Variants in MSRA observed in about 807,000 individuals in gnomAD.
MSRA encodes the protein mitochondrial peptide methionine sulfoxide reductase.
MSRA carries 54 observed loss-of-function variants against 31.3 expected under a neutral mutation model. The ratio of observed to expected loss-of-function variants is 1.73; its 90% confidence interval spans 1.39 to 2.17. The LOEUF is 2.17. MSRA is among the 30% of genes most tolerant of loss of function. MSRA has a pLI of 0.00. For missense variants in MSRA, 507 were observed against 300.9 expected (o/e 1.69, Z -5.07); for synonymous variants, 169 against 116.5 (o/e 1.45, Z -2.90).
At chr8:10,120,403 G>C (rs988325498) in intron 1 of MSRA, among the ~76,000 whole-genome samples, 1 of 152,120 alleles carries the variant, frequency 6.6e-6, no homozygotes, top group African/African-American at 2.4e-5. Flanking sequence ...ATCCGTGTCT[G>C]GTTTCTGACA....
chr8:10,138,059 A>T (rs1275783346), intron 1 of MSRA, among the ~76,000 whole-genome samples: 1 of 152,220 alleles, frequency 6.6e-6, no homozygotes, highest in Non-Finnish European at 1.5e-5. Context: ...TCACTGGGTC[A>T]CAGGCGTATA....
chr8:10,064,183 C>G (rs1293993040), intron 1 of MSRA, among the ~76,000 whole-genome samples: 1 of 152,164 alleles, frequency 6.6e-6, no homozygotes, highest in Non-Finnish European at 1.5e-5. Context: ...CAGCTGCTTT[C>G]TCCTGGATAT....
intron 5 of MSRA, among the ~76,000 whole-genome samples, chr8:10,404,243 C>G (rs886868217): frequency 6.6e-6 from 1 of 152,136 alleles, no homozygotes; most frequent in Admixed American, 6.5e-5. Flanking sequence ...AATAGCAAGG[C>G]AGGGACCTTC....
chr8:10,155,883 T>C (rs1245670753), intron 1 of MSRA, among the ~76,000 whole-genome samples: 1 of 152,202 alleles, frequency 6.6e-6, no homozygotes, highest in African/African-American at 2.4e-5. Context: ...CCTCATGTTA[T>C]AACCTTAATG....
chr8:10,233,685 C>G (rs564037255), intron 2 of MSRA, among the ~76,000 whole-genome samples: 251 of 152,192 alleles, frequency 1.6e-3, no homozygotes, highest in African/African-American at 5.9e-3. Context: ...TTAAATGACA[C>G]AGAGGATAAG....
At chr8:10,207,309 G>C (rs1254961547) in intron 1 of MSRA, among the ~76,000 whole-genome samples, 1 of 152,180 alleles carries the variant, frequency 6.6e-6, no homozygotes, top group Admixed American at 6.5e-5. Context: ...TGGTGTCTTT[G>C]GCCTGGGTGA....
intron 1 of MSRA, among the ~76,000 whole-genome samples, chr8:10,062,983 C>T (rs1797284522): frequency 6.6e-6 from 1 of 152,146 alleles, no homozygotes; most frequent in African/African-American, 2.4e-5. Flanking sequence ...TTGCTTTCTT[C>T]TCTCACGCTT....
At chr8:10,400,911 C>T (rs570513060) in intron 5 of MSRA, among the ~76,000 whole-genome samples, 8 of 152,130 alleles carry the variant, frequency 5.3e-5, no homozygotes, top group African/African-American at 9.7e-5. Context: ...AGAGCTAAAA[C>T]GATAAATCCG....
chr8:10,192,356 G>C (rs1285300663), intron 1 of MSRA, among the ~76,000 whole-genome samples: 1 of 152,196 alleles, frequency 6.6e-6, no homozygotes, highest in African/African-American at 2.4e-5. Flanking sequence ...TTTCCAACCA[G>C]TGAGCGGTAG....
rs868588506 is a variant in MSRA at position 10,343,007 on chromosome 8, C to T, written c.543+23018C>T. The stretch of plus-strand genomic sequence containing the variant: ...ATAACGTGTGGAAAGGAACTGGCAT[C>T]TTGCATAAGCATTACACACACACAC... On this transcript the variant is annotated intron_variant, in intron 5 of 5. Transcript: ENST00000317173. Among the ~76,000 whole-genome samples the T allele has an allele frequency of 4.7e-5, 7 of 147,674 alleles. No homozygotes were observed. The South Asian group carries it at 1.5e-3, about 32-fold the overall frequency.
intron 2 of MSRA, among the ~76,000 whole-genome samples, chr8:10,229,331 G>T (rs1467847432): frequency 6.6e-6 from 1 of 152,244 alleles, no homozygotes; most frequent in Non-Finnish European, 1.5e-5. Flanking sequence ...GATCATCTGA[G>T]TTGGGTGATA....
At chr8:10,222,552 C>T (rs760937651) in intron 2 of MSRA, among the ~76,000 whole-genome samples, 10 of 152,274 alleles carry the variant, frequency 6.6e-5, no homozygotes, top group African/African-American at 7.2e-5. Context: ...CATACTCTCA[C>T]GTTCATTGAG....
At chr8:10,241,089 G>C (rs772658354) in intron 2 of MSRA, among the ~76,000 whole-genome samples, 27 of 152,178 alleles carry the variant, frequency 1.8e-4, no homozygotes, top group Non-Finnish European at 3.5e-4. Flanking sequence ...GGGTCTGATG[G>C]GACTTACCTT....
At chr8:10,359,996 G>T (rs1278080551) in intron 5 of MSRA, among the ~76,000 whole-genome samples, 5 of 152,166 alleles carry the variant, frequency 3.3e-5, no homozygotes, top group Non-Finnish European at 5.9e-5. Flanking sequence ...CTTTATCTCT[G>T]TTATTTCTAT....
intron 3 of MSRA, among the ~76,000 whole-genome samples, chr8:10,288,024 T>A (rs1800029782): frequency 6.6e-6 from 1 of 152,182 alleles, no homozygotes; most frequent in African/African-American, 2.4e-5. Flanking sequence ...TGCTAGGGTT[T>A]AGTAAATACT....
At chr8:10,156,255 G>A (rs916495883) in intron 1 of MSRA, among the ~76,000 whole-genome samples, 1 of 152,192 alleles carries the variant, frequency 6.6e-6, no homozygotes, top group Non-Finnish European at 1.5e-5. Context: ...AGACAATCGG[G>A]GAAATGTGAG....
At chr8:10,149,821 G>A (rs1312144494) in intron 1 of MSRA, among the ~76,000 whole-genome samples, 1 of 7,618 alleles carries the variant, frequency 1.3e-4, no homozygotes, top group Non-Finnish European at 5.1e-4. Flanking sequence ...ACTAGTTTGT[G>A]GCACATGGGA....
intron 1 of MSRA, among the ~76,000 whole-genome samples, chr8:10,137,715 G>T (rs531144650): frequency 6.6e-6 from 1 of 152,252 alleles, no homozygotes; most frequent in East Asian, 1.9e-4. Flanking sequence ...TGGGAGTGGT[G>T]ACTGGGGAGG....
chr8:10,078,533 G>A (rs183304637), intron 1 of MSRA, among the ~76,000 whole-genome samples: 8 of 152,348 alleles, frequency 5.3e-5, no homozygotes, highest in Middle Eastern at 3.4e-3. Flanking sequence ...TCTGGACAGC[G>A]TCTGCTTCCT....
Sources: allele counts gnomAD v4.1 joint callset (sites outside exome capture counted in the v4.1 genomes callset), GRCh38; gene constraint gnomAD v4.1.1; transcripts MANE v1.5; gene names NCBI Gene and HGNC (gene_info 2026-07-23, HGNC 2026-07-21).